Variants in NOVA2 observed in about 807,000 individuals in gnomAD.
The protein encoded by NOVA2 is RNA-binding protein Nova-2.
In NOVA2, 9 loss-of-function variants were observed where a neutral mutation model predicts 22.5. The ratio of observed to expected loss-of-function variants is 0.40; its 90% confidence interval spans 0.24 to 0.70. NOVA2 has a LOEUF of 0.70. Among genes scored for constraint, NOVA2 ranks in the 30% least tolerant of loss-of-function variants. NOVA2 has a pLI of 0.38. For missense variants in NOVA2, 383 were observed against 682.8 expected, an observed-to-expected ratio of 0.56 and a Z score of 4.89; for synonymous variants, 318 against 335.2, an observed-to-expected ratio of 0.95 and a Z score of 0.56.
Position 45,940,795 on chromosome 19 carries a change from T to A in NOVA2, c.547A>T (p.Ser183Cys). Residue 183 changes from serine to cysteine, a missense_variant, in exon 4 of 4, where the codon AGC (serine) becomes TGC (cysteine). Physicochemically the swap from Ser to Cys is moderately radical, Grantham distance 112. Around this residue, in one of 2 missense-constraint regions of NOVA2, gnomAD observed 349 missense variants for 578.1 expected, o/e 0.60. Coordinates refer to ENST00000263257, the MANE Select transcript of NOVA2 (RefSeq NM_002516.4). ...TTGTGCACCTGCTCGGGCTCGCCGCTGACCGTCACCACGCGCTCCTGCAGG... is the reference window on the plus strand; with the variant it reads ...TTGTGCACCTGCTCGGGCTCGCCGCAGACCGTCACCACGCGCTCCTGCAGG... Reference protein sequence around the residue: ...INLQERVVTVSGEPEQVHKAV... With the variant: ...INLQERVVTVCGEPEQVHKAV... 6.2e-7 allele frequency: 1 copy of A among 1,607,284 alleles called. No homozygotes were observed.
In NOVA2 at chr19:45,961,145, C is replaced by A; in HGVS notation, c.94G>T (p.Glu32Ter). ...GGGATCAGCACCTTCAGGAAGTATT[C>A]GCCTTCCTCTGCGGGGGCACACAGG... Reference protein sequence around the residue: ...TKRSNTGEEGEYFLKVLIPSY... With the variant: ...TKRSNTGEEG The change falls in exon 2 of 4, where the codon GAA becomes TAA. Residue 32 changes from glutamate (E) to a stop codon, truncating the protein, a stop_gained. Transcript: ENST00000263257. LOFTEE classifies it high-confidence loss of function. 6.3e-7 allele frequency: 1 copy of A among 1,599,540 alleles called. No individual in the cohort carries two copies.
chr19:45,950,064 G>A (rs1482676243), intron 3 of NOVA2, among the ~76,000 whole-genome samples: 5 of 151,500 alleles, frequency 3.3e-5, no homozygotes, highest in African/African-American at 1.2e-4. Flanking sequence ...TTTAGTAACT[G>A]TGTGACCTTA....
intron 2 of NOVA2, among the ~76,000 whole-genome samples, chr19:45,954,584 G>C (rs1024022046): frequency 2.0e-5 from 3 of 151,836 alleles, no homozygotes; most frequent in African/African-American, 7.3e-5. Context: ...AGGGGTGGGG[G>C]AGGGCAGGGG....
chr19:45,956,379 G>C (rs1968006080), intron 2 of NOVA2, among the ~76,000 whole-genome samples: 2 of 152,188 alleles, frequency 1.3e-5, no homozygotes, highest in South Asian at 4.1e-4. Flanking sequence ...GGGGCCCACA[G>C]GGGCTTTTGG....
Position 45,939,862 on chromosome 19 carries a change from C to A in NOVA2, c.*1G>T. 6.2e-7 allele frequency: 1 copy of A among 1,614,090 alleles called. No homozygotes were observed. The highest frequency in any genetic ancestry group is 8.5e-7 in the Non-Finnish European group (1 of 1,179,992). On this transcript the variant is annotated 3_prime_UTR_variant, in exon 4 of 4. Transcript: ENST00000263257. The stretch of plus-strand genomic sequence containing the variant: ...AAGGGTGGGAGCACACACCACAGGC[C>A]TCATCCCACTTTCTGGGGGTTTGAG...
rs558517037 is a variant in NOVA2 at position 45,966,075 on chromosome 19, G to A, written c.86-4922C>T. Reference sequence around the variant, plus strand: ...GTAGGAGGAGGGGTGATCCTACTTTGTTAATCACCCATTTCCCTAGGGGGC... The same window carrying A: ...GTAGGAGGAGGGGTGATCCTACTTTATTAATCACCCATTTCCCTAGGGGGC... On this transcript the variant is annotated intron_variant, in intron 1 of 3. Transcript: ENST00000263257. Among the ~76,000 whole-genome samples, 9 of 152,216 alleles carry A rather than the reference G, an allele frequency of 5.9e-5. No individual in the cohort carries two copies. The South Asian group carries it at 1.5e-3, about 25-fold the overall frequency.
chr19:45,970,911 G>A (rs374304278), intron 1 of NOVA2, among the ~76,000 whole-genome samples: 2 of 152,268 alleles, frequency 1.3e-5, no homozygotes, highest in African/African-American at 2.4e-5. Flanking sequence ...AACAGAAGCG[G>A]GGTGGGAGAC....
intron 1 of NOVA2, among the ~76,000 whole-genome samples, chr19:45,965,431 T>C (rs1217739007): frequency 6.6e-6 from 1 of 152,204 alleles, no homozygotes; most frequent in Non-Finnish European, 1.5e-5. Flanking sequence ...AACTCTAGAC[T>C]AAGAGTGACG....
chr19:45,973,223 GC>G (rs1968257304), intron 1 of NOVA2, 43 bp downstream of exon 1: 16 of 1,188,476 alleles, frequency 1.3e-5, no homozygotes, highest in South Asian at 4.8e-5. Flanking sequence ...GAAAGGCGAG[GC>G]CCCCTGCCCG....
Position 45,973,364 on chromosome 19 carries a change from G to T in NOVA2, c.-13C>A. 1 of 985,288 alleles carries T rather than the reference G, an allele frequency of 1.0e-6. No homozygotes were observed. The highest frequency in any genetic ancestry group is 1.3e-6 in the Non-Finnish European group (1 of 766,990). 61.0% of individuals were successfully genotyped at this position (985,288 alleles called of 1,614,324 possible). On this transcript the variant is annotated 5_prime_UTR_variant, in exon 1 of 4. Coordinates refer to ENST00000263257, the MANE Select transcript of NOVA2 (RefSeq NM_002516.4). Reference sequence around the variant, plus strand: ...CCTCGGGCTCCATGGGGGGGGCCTGGGGCGGCGGCTGCTGCTGCTGCGGCG... The same window carrying T: ...CCTCGGGCTCCATGGGGGGGGCCTGTGGCGGCGGCTGCTGCTGCTGCGGCG...
intron 2 of NOVA2, among the ~76,000 whole-genome samples, chr19:45,958,417 TGA>T (rs984629128): frequency 5.4e-4 from 81 of 149,590 alleles, no homozygotes; most frequent in Admixed American, 3.6e-3. Flanking sequence ...GGGGTGTGTG[TGA>T]GTGTGAATGA....
intron 3 of NOVA2, among the ~76,000 whole-genome samples, chr19:45,944,810 A>G (rs1967813292): frequency 6.6e-6 from 1 of 152,240 alleles, no homozygotes; most frequent in Non-Finnish European, 1.5e-5. Flanking sequence ...AACTGCCTAC[A>G]GGCATAGGAT....
In NOVA2 at chr19:45,939,786, A is replaced by T; in HGVS notation, c.*77T>A. On this transcript the variant is annotated 3_prime_UTR_variant, in exon 4 of 4. Transcript: ENST00000263257. ...AGCAGGACTACACCAAGCTGAGGTCAGGAGTTGGGGGGGAGGAGGAGAGGG... is the reference window on the plus strand; with the variant it reads ...AGCAGGACTACACCAAGCTGAGGTCTGGAGTTGGGGGGGAGGAGGAGAGGG... 6.4e-7 allele frequency: 1 copy of T among 1,567,576 alleles called. No individual in the cohort carries two copies. Among genetic ancestry groups the T allele is most frequent in the East Asian group, 2.3e-5 (1 of 43,214 alleles).
chr19:45,959,531 C>G (rs997022667), intron 2 of NOVA2, among the ~76,000 whole-genome samples: 1 of 152,048 alleles, frequency 6.6e-6, no homozygotes. Context: ...AGGAACATTC[C>G]GAACAGAGGT....
chr19:45,950,966 G>A (rs540187185), intron 3 of NOVA2, among the ~76,000 whole-genome samples: 2 of 152,180 alleles, frequency 1.3e-5, no homozygotes, highest in African/African-American at 4.8e-5. Context: ...ATCTGATCCC[G>A]GGCCAGAGTT....
Position 45,939,834 on chromosome 19 carries a change from G to C in NOVA2, c.*29C>G, listed in dbSNP as rs762542956. ...GGGAAGAGGAGGAGATGGGAGGAGAGAAAAGGGTGGGAGCACACACCACAG... is the reference window on the plus strand; with the variant it reads ...GGGAAGAGGAGGAGATGGGAGGAGACAAAAGGGTGGGAGCACACACCACAG... On this transcript the variant is annotated 3_prime_UTR_variant, in exon 4 of 4. Transcript: ENST00000263257. The C allele has an allele frequency of 1.1e-5, 17 of 1,612,786 alleles. No individual in the cohort carries two copies. The highest frequency in any genetic ancestry group is 1.4e-5 in the Non-Finnish European group (17 of 1,179,194).
intron 1 of NOVA2, chr19:45,962,500 C>G (rs1202907405): frequency 6.5e-6 from 1 of 152,690 alleles, no homozygotes; most frequent in African/African-American, 2.4e-5. Context: ...CTCCTCCCAT[C>G]ATTGCTTAAC....
intron 1 of NOVA2, among the ~76,000 whole-genome samples, chr19:45,972,805 CACAAGCCTCCATCTGGG>C (rs1006112944): frequency 6.6e-6 from 1 of 152,154 alleles, no homozygotes; most frequent in African/African-American, 2.4e-5. Flanking sequence ...GCCAGGGCCA[CACAAGCCTCCATCTGGG>C]ACAACCCTTG....
chr19:45,940,293 G>A lies in NOVA2; in HGVS notation c.1049C>T (p.Pro350Leu), dbSNP rs1967727693. 1.8e-6 allele frequency: 2 copies of A among 1,125,966 alleles called. No homozygotes were observed. 69.7% of individuals were successfully genotyped at this position (1,125,966 alleles called of 1,614,324 possible). ...CAACGCAAAGGACCCCAGGGCTCCG[G>A]GAGGCGGGGGCGGCGGCGGGGCGGC... ...GGAAPPPPPP[P>L]GALGSFALAA... Residue 350 changes from proline to leucine, a missense_variant, in exon 4 of 4, where the codon CCC becomes CTC. Pro to Leu is a moderately conservative substitution (Grantham distance 98). Coordinates refer to ENST00000263257, the MANE Select transcript of NOVA2 (RefSeq NM_002516.4).
Sources: allele counts gnomAD v4.1 joint callset (sites outside exome capture counted in the v4.1 genomes callset), GRCh38; gene constraint gnomAD v4.1.1; regional missense constraint gnomAD v4.1.1; transcripts MANE v1.5; gene names NCBI Gene and HGNC (gene_info 2026-07-23, HGNC 2026-07-21).